The following GATA4 variants were observed in gnomAD, a reference collection of about 807,000 sequenced individuals.
GATA4 encodes the protein GATA binding protein 4, also known as transcription factor GATA-4.
A neutral mutation model predicts 37.9 loss-of-function variants in GATA4; 7 were observed. That is an observed-to-expected ratio of 0.18 (90% CI 0.11 to 0.35). GATA4 has a LOEUF of 0.35. GATA4 is among the 10% of genes least tolerant of loss of function. The pLI is 1.00. For synonymous variants in GATA4, 372 were observed against 292.6 expected (o/e 1.27, Z -2.77); for missense variants, 647 against 653.0 (o/e 0.99, Z 0.10).
intron 4 of GATA4, among the ~76,000 whole-genome samples, chr8:11,752,553 C>T (rs1362757716): frequency 2.6e-5 from 4 of 152,150 alleles, no homozygotes; most frequent in East Asian, 1.9e-4. Flanking sequence ...CCCATCAGGT[C>T]GGTCCCACAA....
chr8:11,735,919 AT>A (rs910154142), intron 2 of GATA4, among the ~76,000 whole-genome samples: 11 of 145,592 alleles, frequency 7.6e-5, no homozygotes, highest in African/African-American at 2.5e-4. Flanking sequence ...GAAAAAAAAA[AT>A]TTTTTTTTGA....
At position 11,754,788 on chromosome 8, in the gene GATA4, G is replaced by A. The variant is rs67176365; in HGVS notation, c.913-258G>A. ...TGTCTGTGAATTTCTGAGGGTAGGA[G>A]CTGTGTGTCTTTAGTTCCCTATTCT... On this transcript the variant is annotated intron_variant, in intron 4 of 6. Coordinates refer to ENST00000532059, the MANE Select transcript of GATA4 (RefSeq NM_001308093.3). Among the ~76,000 whole-genome samples, 30,462 of 152,036 alleles carry A rather than the reference G, an allele frequency of 0.2. 3,764 individuals are homozygous for A. Among genetic ancestry groups the A allele is most frequent in the East Asian group, 0.6 (3,064 of 5,116 alleles).
chr8:11,749,177 A>G lies in GATA4; in HGVS notation c.786+92A>G, dbSNP rs1169493549. ...CTCTGGTTTTGAATTTTGGAACTTGAGGGTGTGCATCGGGGATTACGTGGG... is the reference window on the plus strand; with the variant it reads ...CTCTGGTTTTGAATTTTGGAACTTGGGGGTGTGCATCGGGGATTACGTGGG... On this transcript the variant is annotated intron_variant, in intron 3 of 6. Transcript: ENST00000532059. This position sits in a 1 kb window ranked among gnomAD's most constrained non-coding sequence, Gnocchi z 4.6. The G allele has an allele frequency of 2.3e-6, 3 of 1,327,744 alleles. No individual in the cohort carries two copies. The highest frequency in any genetic ancestry group is 1.2e-5 in the South Asian group (1 of 81,496). The allele number at this position is 1,327,744 out of a possible 1,614,324, so 82.2% of individuals were successfully genotyped here.
intron 2 of GATA4, among the ~76,000 whole-genome samples, chr8:11,716,307 T>G (rs1296098062): frequency 6.6e-6 from 1 of 152,182 alleles, no homozygotes. Context: ...AAGTAGCATC[T>G]TTTTCTTTTT....
chr8:11,694,131 T>C (rs1162901775), intron 1 of GATA4, among the ~76,000 whole-genome samples: 1 of 152,192 alleles, frequency 6.6e-6, no homozygotes, highest in Non-Finnish European at 1.5e-5. Context: ...CAGGACGCTT[T>C]TGTTCTCCGG....
intron 1 of GATA4, among the ~76,000 whole-genome samples, chr8:11,678,086 T>C (rs929078825): frequency 1.3e-5 from 2 of 150,384 alleles, no homozygotes; most frequent in Non-Finnish European, 3.0e-5. Context: ...TGAGAAGGAG[T>C]GCAGCTTTGA....
At chr8:11,717,800 C>G (rs532468871) in intron 2 of GATA4, among the ~76,000 whole-genome samples, 4 of 152,234 alleles carry the variant, frequency 2.6e-5, no homozygotes. Flanking sequence ...TATCATTCCT[C>G]AACTGTAAGC....
intron 1 of GATA4, among the ~76,000 whole-genome samples, chr8:11,677,546 C>T (rs1280200638): frequency 2.0e-5 from 3 of 152,198 alleles, no homozygotes; most frequent in Admixed American, 6.5e-5. Flanking sequence ...TGGGGTCCCC[C>T]GCAGCCCTTG....
intron 5 of GATA4, chr8:11,756,703 A>T (rs953742482): frequency 2.0e-5 from 12 of 590,472 alleles, no homozygotes; most frequent in African/African-American, 1.9e-4. Flanking sequence ...ATCTTTTTTT[A>T]AAAAGTTTTG....
Position 11,749,021 on chromosome 8 carries a change from C to T in GATA4, c.722C>T (p.Ala241Val). ...RDGTGHYLCN[A>V]CGLYHKMNGI... ...GGGACGGGTCACTATCTGTGCAACGCCTGCGGCCTCTACCACAAGATGAAC... is the reference window on the plus strand; with the variant it reads ...GGGACGGGTCACTATCTGTGCAACGTCTGCGGCCTCTACCACAAGATGAAC... The change falls in exon 3 of 7, where the codon GCC (alanine) becomes GTC (valine). Residue 241 changes from alanine to valine, a missense_variant. Transcript: ENST00000532059. This position sits in a 1 kb window ranked among gnomAD's most constrained non-coding sequence, Gnocchi z 4.6. 1 of 1,614,250 alleles carries T rather than the reference C, an allele frequency of 6.2e-7. No homozygotes were observed. Among genetic ancestry groups the T allele is most frequent in the South Asian group, 1.1e-5 (1 of 91,086 alleles).
At chr8:11,723,699 T>C (rs560166676) in intron 2 of GATA4, among the ~76,000 whole-genome samples, 4 of 152,358 alleles carry the variant, frequency 2.6e-5, no homozygotes, top group African/African-American at 9.6e-5. Context: ...GTACCCCTCC[T>C]ACCCCAAAGA....
At position 11,683,069 on chromosome 8, in the gene GATA4, C is replaced by T. The variant is rs538782265; in HGVS notation, c.-274+6006C>T. On this transcript the variant is annotated intron_variant, in intron 1 of 6. Transcript: ENST00000528712. ...GACAGCTCTCTGGTGTCTCTTACCC[C>T]CTAGGTTTTCCCAGCCTTCTCGCCG... 1.1e-5 allele frequency: 11 copies of T among 985,302 alleles called. No individual in the cohort carries two copies. The East Asian group carries it at 1.0e-3, about 91-fold the overall frequency. 61.0% of individuals were successfully genotyped at this position (985,302 alleles called of 1,614,324 possible). A position where few individuals can be genotyped will look rare whatever the true frequency, so the allele number is the denominator to read the frequency against.
chr8:11,701,163 A>G (rs895374523), upstream of GATA4, among the ~76,000 whole-genome samples: 1 of 151,832 alleles, frequency 6.6e-6, no homozygotes, highest in African/African-American at 2.4e-5. Context: ...ATATTTTTTA[A>G]AAGAGTACAG....
rs879223782 is a variant in GATA4, at chr8:11,749,004, T to C, written c.705T>C (p.Gly235=). The C allele has an allele frequency of 6.2e-7, 1 of 1,614,174 alleles. No homozygotes were observed. Among genetic ancestry groups the C allele is most frequent in the South Asian group, 1.1e-5 (1 of 91,088 alleles). ...CGCTCTGGAGGCGAGATGGGACGGG[T>C]CACTATCTGTGCAACGCCTGCGGCC... The part of the protein sequence containing the change: ...STPLWRRDGT[G]HYLCNACGLY... The change falls in exon 3 of 7, where the codon GGT becomes GGC. Residue 235 remains glycine (G), a synonymous_variant. Transcript: ENST00000532059. The surrounding 1 kb of genome is among the most constrained non-coding windows in gnomAD (Gnocchi z 4.6).
At chr8:11,678,010 CAAAATA>C (rs1484683462) in intron 1 of GATA4, among the ~76,000 whole-genome samples, 1 of 104,850 alleles carries the variant, frequency 9.5e-6, no homozygotes, top group Non-Finnish European at 1.9e-5. Flanking sequence ...AGGGCTGAGT[CAAAATA>C]ATAATAATAA....
intron 2 of GATA4, among the ~76,000 whole-genome samples, chr8:11,716,842 G>C (rs1274077278): frequency 6.6e-6 from 1 of 152,252 alleles, no homozygotes; most frequent in Non-Finnish European, 1.5e-5. Context: ...TAGTTGTACT[G>C]AATTTAGAGC....
chr8:11,737,867 A>T (rs1438314087), intron 2 of GATA4, among the ~76,000 whole-genome samples: 1 of 152,166 alleles, frequency 6.6e-6, no homozygotes. Context: ...TGACATATTT[A>T]TGTATTTTAT....
intron 2 of GATA4, among the ~76,000 whole-genome samples, chr8:11,732,924 A>T (rs1017222704): frequency 1.3e-5 from 2 of 152,294 alleles, no homozygotes; most frequent in East Asian, 3.9e-4. Context: ...CATACCTCTC[A>T]GCTCTCCTGC....
intron 1 of GATA4, among the ~76,000 whole-genome samples, chr8:11,686,152 A>G (rs1280671361): frequency 6.6e-6 from 1 of 151,908 alleles, no homozygotes; most frequent in East Asian, 1.9e-4. Context: ...TGGTCACAAA[A>G]GCAAGTAGAA....
Sources: gnomAD v4.1 joint callset for allele counts (sites outside exome capture counted in the v4.1 genomes callset) on GRCh38, gnomAD v4.1.1 for gene constraint, Gnocchi (gnomAD v3.1) non-coding constraint, MANE v1.5 for transcripts, NCBI Gene and HGNC (gene_info 2026-07-23, HGNC 2026-07-21) for gene names.